The following MYOF variants were observed in gnomAD, a reference collection of about 807,000 sequenced individuals.
The protein encoded by MYOF is myoferlin, also known as fer-1-like 3, myoferlin.
A neutral mutation model predicts 284.2 loss-of-function variants in MYOF; 244 were observed. That is an observed-to-expected ratio of 0.86 (90% CI 0.77 to 0.95). The LOEUF (loss-of-function observed/expected upper bound fraction) is 0.95. Ranked by LOEUF, MYOF falls within the 40% of genes least tolerant of loss-of-function variation. The pLI is 0.00. For synonymous variants in MYOF, 904 were observed against 919.7 expected (o/e 0.98, Z 0.31); for missense variants, 2,496 against 2,560.6 (o/e 0.97, Z 0.54).
chr10:93,308,211 C>G (rs1016567857), intron 53 of MYOF, among the ~76,000 whole-genome samples: 1 of 149,676 alleles, frequency 6.7e-6, no homozygotes, highest in East Asian at 2.0e-4. Flanking sequence ...CCACTGTACT[C>G]CAGCCTGGGT....
rs552591354 is a variant in MYOF at position 93,394,926 on chromosome 10, G to GTA, written c.1417+1214_1417+1215dup. Among the ~76,000 whole-genome samples, 87 of 150,196 alleles carry GTA rather than the reference G, an allele frequency of 5.8e-4. No homozygotes were observed. The South Asian group carries it at 0.013, about 22-fold the overall frequency. On this transcript the variant is annotated intron_variant, in intron 16 of 53. Transcript: ENST00000359263. Reference sequence around the variant, plus strand: ...TATGCATGTATATATAGTATTATATGTATATATATAATAACCAGGTTCTTA... The same window carrying GTA: ...TATGCATGTATATATAGTATTATATGTATATATATATAATAACCAGGTTCTTA...
At chr10:93,345,281 C>T (rs1181247768) in intron 37 of MYOF, among the ~76,000 whole-genome samples, 2 of 152,150 alleles carry the variant, frequency 1.3e-5, no homozygotes, top group Non-Finnish European at 2.9e-5. Flanking sequence ...TGCCATTATC[C>T]CTGTTTTAAA....
chr10:93,387,331 A>T (rs1846426329), intron 19 of MYOF, among the ~76,000 whole-genome samples: 2 of 152,226 alleles, frequency 1.3e-5, no homozygotes, highest in African/African-American at 4.8e-5. Context: ...ACACACAGGC[A>T]TCGACCTGGA....
intron 39 of MYOF, among the ~76,000 whole-genome samples, 174 bp downstream of exon 39, chr10:93,339,979 T>TG (rs1843817726): frequency 6.6e-6 from 1 of 152,110 alleles, no homozygotes; most frequent in Non-Finnish European, 1.5e-5. Context: ...CGCGGGAGGC[T>TG]GAGGCAGGAG....
intron 53 of MYOF, among the ~76,000 whole-genome samples, chr10:93,309,083 C>A (rs929031150): frequency 1.3e-5 from 2 of 152,106 alleles, no homozygotes; most frequent in Non-Finnish European, 2.9e-5. Context: ...GCCACTGGCC[C>A]AACTTCTGAG....
intron 4 of MYOF, among the ~76,000 whole-genome samples, chr10:93,430,081 C>T (rs921862816): frequency 1.3e-5 from 2 of 151,640 alleles, no homozygotes; most frequent in Admixed American, 6.6e-5. Flanking sequence ...ACTACAGGCA[C>T]GTGCCACCAT....
At chr10:93,339,030 T>TC (rs1298340475) in intron 39 of MYOF, among the ~76,000 whole-genome samples, 1 of 133,718 alleles carries the variant, frequency 7.5e-6, no homozygotes, top group African/African-American at 2.6e-5. Flanking sequence ...TTTTTTTTTT[T>TC]TGAGACGGAG....
intron 1 of MYOF, among the ~76,000 whole-genome samples, chr10:93,467,165 T>A (rs572324932): frequency 1.1e-4 from 17 of 152,158 alleles, no homozygotes; most frequent in South Asian, 2.1e-4. Context: ...TCTTTTTTTT[T>A]AAATTTTATT....
At chr10:93,374,647 C>G (rs1033180119) in intron 23 of MYOF, 116 bp downstream of exon 23, 1 of 1,043,642 alleles carries the variant, frequency 9.6e-7, no homozygotes, top group Non-Finnish European at 1.4e-6. Context: ...TCTGTCAGAG[C>G]TGCTCAATAT....
At chr10:93,378,693 G>GTATATATATATATATATATATATA (rs66859494) in intron 21 of MYOF, among the ~76,000 whole-genome samples, 141 of 87,826 alleles carry the variant, frequency 1.6e-3, no homozygotes, top group Middle Eastern at 5.4e-3. Flanking sequence ...GTGTGTGTGT[G>GTATATATATATATATATATATATA]TATATATATA....
intron 23 of MYOF, among the ~76,000 whole-genome samples, 177 bp downstream of exon 23, chr10:93,374,586 A>G (rs17108577): frequency 0.049 from 7,463 of 152,300 alleles, 274 homozygotes; most frequent in Middle Eastern, 0.088. Flanking sequence ...TCTGATTTCA[A>G]TCACATTCAT....
chr10:93,404,066 T>G lies in MYOF; in HGVS notation c.800A>C (p.Asn267Thr). Reference sequence around the variant, plus strand: ...ACAATCTGCCCGCAGAGAGTGAGAATTATAAACCTGGAAGAAAGAAGAGTA... The same window carrying G: ...ACAATCTGCCCGCAGAGAGTGAGAAGTATAAACCTGGAAGAAAGAAGAGTA... ...MDEIISIRVY[N>T]SHSLRADCLM... Residue 267 changes from asparagine to threonine, a missense_variant, in exon 9 of 54, where the codon AAT becomes ACT. Around this residue, in one of 3 missense-constraint regions of MYOF, gnomAD observed 2,436 missense variants for 2,480.7 expected, o/e 0.98. Transcript: ENST00000359263. 6.2e-7 allele frequency: 1 copy of G among 1,614,142 alleles called. No homozygotes were observed.
intron 49 of MYOF, among the ~76,000 whole-genome samples, chr10:93,318,900 A>C (rs1469219424): frequency 2.0e-5 from 3 of 152,200 alleles, no homozygotes; most frequent in Non-Finnish European, 4.4e-5. Flanking sequence ...ATGTGGAGGC[A>C]GGAATGGAAC....
intron 2 of MYOF, among the ~76,000 whole-genome samples, chr10:93,454,180 C>T (rs942268686): frequency 6.6e-6 from 1 of 151,938 alleles, no homozygotes; most frequent in African/African-American, 2.4e-5. Flanking sequence ...AAAACTCCAT[C>T]TTAAAAGAAA....
At chr10:93,424,929 ATTTTTTTTTTT>A (rs11376911) in intron 5 of MYOF, among the ~76,000 whole-genome samples, 37 of 77,760 alleles carry the variant, frequency 4.8e-4, no homozygotes, top group East Asian at 1.6e-3. Context: ...GGAGAATTCC[ATTTTTTTTTTT>A]TTTTTTTTTT....
In MYOF at chr10:93,336,089, G is replaced by C. The variant is rs1843594362; in HGVS notation, c.4438-43C>G. 2.5e-6 allele frequency: 4 copies of C among 1,598,662 alleles called. No homozygotes were observed. In the African/African-American group the frequency reaches 4.0e-5, roughly 16 times the overall value. On this transcript the variant is annotated intron_variant, in intron 40 of 53. Coordinates refer to ENST00000359263, the MANE Select transcript of MYOF (RefSeq NM_013451.4). ...AGTCTTAATTTCTCATTAAAATGCAGGTAAGGTCTAAAATCAAAAGGGCTG... is the reference window on the plus strand; with the variant it reads ...AGTCTTAATTTCTCATTAAAATGCACGTAAGGTCTAAAATCAAAAGGGCTG...
At chr10:93,330,687 T>TG (rs772241536) in intron 43 of MYOF, among the ~76,000 whole-genome samples, 1 of 152,238 alleles carries the variant, frequency 6.6e-6, no homozygotes, top group Non-Finnish European at 1.5e-5. Flanking sequence ...GCTCTGTATC[T>TG]GCACTATCCA....
chr10:93,476,630 T>C (rs1589625555), intron 1 of MYOF, among the ~76,000 whole-genome samples: 1 of 152,204 alleles, frequency 6.6e-6, no homozygotes, highest in African/African-American at 2.4e-5. Context: ...ATGTGTCTAT[T>C]GGATACATCA....
rs757720421 is a variant in MYOF, at chr10:93,379,864, A to T, written c.2000T>A (p.Leu667Gln). The T allele has an allele frequency of 4.3e-6, 7 of 1,613,402 alleles. No individual in the cohort carries two copies. In the African/African-American group the frequency reaches 9.3e-5, roughly 22 times the overall value. ...AAATGCAGAAAAAGAGAAACTTACC[A>T]GCCGTTCTGCCATAGCTAGGAGAGT... is the stretch of plus-strand genomic sequence containing the variant. Reference protein sequence around the residue: ...VNTLLAMAERLQTNIEALKSG... With the variant: ...VNTLLAMAERQQTNIEALKSG... The change falls in exon 21 of 54, where the codon CTG becomes CAG. Residue 667 changes from leucine (L) to glutamine (Q), a missense_variant and splice_region_variant. Transcript: ENST00000359263.
Sources: gnomAD v4.1 joint callset for allele counts (sites outside exome capture counted in the v4.1 genomes callset) on GRCh38, gnomAD v4.1.1 for gene constraint, gnomAD v4.1.1 regional missense constraint, MANE v1.5 for transcripts, NCBI Gene and HGNC (gene_info 2026-07-23, HGNC 2026-07-21) for gene names.